Variants in NDST1 observed in about 807,000 individuals in gnomAD.
NDST1 encodes N-deacetylase and N-sulfotransferase 1.
NDST1 carries 35 observed loss-of-function variants against 92.8 expected under a neutral mutation model. That is an observed-to-expected ratio of 0.38 (90% confidence interval 0.29 to 0.50). The LOEUF (loss-of-function observed/expected upper bound fraction) is 0.50. Among genes scored for constraint, NDST1 ranks in the 20% least tolerant of loss-of-function variants. The pLI, the probability that NDST1 is intolerant of heterozygous loss-of-function variation, is 0.94. For synonymous variants in NDST1, 493 were observed against 500.3 expected, an observed-to-expected ratio of 0.99 and a Z score of 0.19; for missense variants, 822 against 1,182.7, an observed-to-expected ratio of 0.69 and a Z score of 4.47.
intron 1 of NDST1, among the ~76,000 whole-genome samples, chr5:150,499,439 C>T (rs544180073): frequency 6.6e-6 from 1 of 152,318 alleles, no homozygotes; most frequent in South Asian, 2.1e-4. Context: ...GAACCACTTT[C>T]TCTCCTACCT....
intron 1 of NDST1, among the ~76,000 whole-genome samples, chr5:150,509,995 G>A (rs1163466912): frequency 6.6e-6 from 1 of 152,004 alleles, no homozygotes; most frequent in African/African-American, 2.4e-5. Context: ...CTCTCTCCTG[G>A]GCTGCAGACC....
In NDST1 at chr5:150,549,762, A is replaced by T. The variant is rs760333260; in HGVS notation, c.2401A>T (p.Thr801Ser). Residue 801 changes from threonine to serine, a missense_variant, in exon 13 of 15, where the codon ACC becomes TCC. Physicochemically the swap from Thr to Ser is moderately conservative, Grantham distance 58. Coordinates refer to ENST00000261797, the MANE Select transcript of NDST1 (RefSeq NM_001543.5). ...MVQKFLGVTNTIDYHKTLAFD... is the reference protein window; with the variant it reads ...MVQKFLGVTNSIDYHKTLAFD... Reference sequence around the variant, plus strand: ...GCAGAAGTTCCTTGGGGTGACCAACACCATTGACTACCACAAAACCTTGGC... The same window carrying T: ...GCAGAAGTTCCTTGGGGTGACCAACTCCATTGACTACCACAAAACCTTGGC... 1.9e-6 allele frequency: 3 copies of T among 1,611,794 alleles called. No homozygotes were observed. The highest frequency in any genetic ancestry group is 2.5e-6 in the Non-Finnish European group (3 of 1,177,898).
At chr5:150,522,173 G>C (rs1357389174) in intron 2 of NDST1, among the ~76,000 whole-genome samples, 1 of 152,130 alleles carries the variant, frequency 6.6e-6, no homozygotes, top group African/African-American at 2.4e-5. Context: ...ACTTATGTGA[G>C]GTTTTGCAGC....
chr5:150,501,741 C>T (rs1303381310), intron 1 of NDST1, among the ~76,000 whole-genome samples: 3 of 152,168 alleles, frequency 2.0e-5, no homozygotes, highest in Non-Finnish European at 4.4e-5. Flanking sequence ...GTGGGGCTGA[C>T]ATTTGAGTGG....
chr5:150,515,114 C>T (rs1233747564), intron 1 of NDST1, among the ~76,000 whole-genome samples: 2 of 152,208 alleles, frequency 1.3e-5, no homozygotes, highest in African/African-American at 2.4e-5. Context: ...TGCTCAGGTG[C>T]ACCCAGGGGC....
At chr5:150,540,418 G>A (rs1169146173) in intron 8 of NDST1, among the ~76,000 whole-genome samples, 154 bp downstream of exon 8, 1 of 152,146 alleles carries the variant, frequency 6.6e-6, no homozygotes, top group African/African-American at 2.4e-5. Flanking sequence ...ACCAGCATGG[G>A]TGCGTTCACT....
intron 11 of NDST1, among the ~76,000 whole-genome samples, chr5:150,546,910 C>G (rs1219839462): frequency 6.6e-6 from 1 of 152,228 alleles, no homozygotes; most frequent in Non-Finnish European, 1.5e-5. Flanking sequence ...TCAAGTGTTT[C>G]TGTTTTCTGC....
intron 10 of NDST1, among the ~76,000 whole-genome samples, chr5:150,543,348 G>A (rs1353100066): frequency 6.6e-6 from 1 of 152,192 alleles, no homozygotes; most frequent in Admixed American, 6.5e-5. Flanking sequence ...AAGCAGAGGT[G>A]TTCTTGTGGG....
intron 1 of NDST1, among the ~76,000 whole-genome samples, chr5:150,517,814 C>T (rs1204058413): frequency 1.3e-5 from 2 of 152,258 alleles, no homozygotes; most frequent in South Asian, 2.1e-4. Context: ...TCACTGACCA[C>T]AGCACTCAAG....
At position 150,556,512 on chromosome 5, in the gene NDST1, GT is replaced by G. The variant is rs1755872780; in HGVS notation, c.*3184del. Reference sequence around the variant, plus strand: ...TAGTGGGAAAAGCAAATACAACAATGTTTTACCAAACATTTAATTATGAATG... The same window carrying G: ...TAGTGGGAAAAGCAAATACAACAATGTTTACCAAACATTTAATTATGAATG... On this transcript the variant is annotated 3_prime_UTR_variant, in exon 15 of 15. Transcript: ENST00000261797. 1 of 152,122 alleles carries G rather than the reference GT, an allele frequency of 6.6e-6. No homozygotes were observed. Among genetic ancestry groups the G allele is most frequent in the African/African-American group, 2.4e-5 (1 of 41,406 alleles). 9.4% of individuals were successfully genotyped at this position (152,122 alleles called of 1,614,324 possible).
At chr5:150,548,152 G>A (rs544480337) in intron 11 of NDST1, 66 bp from the exon 12 acceptor site, 3 of 1,602,874 alleles carry the variant, frequency 1.9e-6, no homozygotes, top group East Asian at 2.2e-5. Context: ...GCGGGCTGCT[G>A]TCCCTCTCAG....
At chr5:150,509,142 C>G (rs1367813144) in intron 1 of NDST1, among the ~76,000 whole-genome samples, 1 of 152,152 alleles carries the variant, frequency 6.6e-6, no homozygotes, top group Non-Finnish European at 1.5e-5. Flanking sequence ...ATTTTGGCTT[C>G]TGCATCCTTG....
rs145850433 is a variant in NDST1 at position 150,521,971 on chromosome 5, CA to C, written c.513+205del. 3.6e-3 allele frequency among the ~76,000 whole-genome samples: 541 copies of C among 152,282 alleles called. 3 individuals carry two copies. The highest frequency in any genetic ancestry group is 0.013 in the African/African-American group (522 of 41,558). Reference sequence around the variant, plus strand: ...CTTTGTAAGTATTAGGGGAGCGTGCCAGGGGGATCGCCTGCTGTGCGTGGGG... The same window carrying C: ...CTTTGTAAGTATTAGGGGAGCGTGCCGGGGGATCGCCTGCTGTGCGTGGGG... On this transcript the variant is annotated intron_variant, in intron 2 of 14. Transcript: ENST00000261797. The surrounding 1 kb of genome is among the most constrained non-coding windows in gnomAD (Gnocchi z 5.9).
rs772602993 is a variant in NDST1 at position 150,535,850 on chromosome 5, C to T, written c.1402C>T (p.Arg468Cys). ...TEEYPHLKPA[R>C]YRRGFIHNGI... Reference sequence around the variant, plus strand: ...GGAGTACCCCCACCTGAAGCCAGCCCGCTACCGCCGTGGCTTCATCCACAA... The same window carrying T: ...GGAGTACCCCCACCTGAAGCCAGCCTGCTACCGCCGTGGCTTCATCCACAA... Residue 468 changes from arginine (R) to cysteine (C), a missense_variant, in exon 6 of 15, where the codon CGC (arginine) becomes TGC (cysteine). Arg to Cys is a radical substitution (Grantham distance 180). Coordinates refer to ENST00000261797, the MANE Select transcript of NDST1 (RefSeq NM_001543.5). The T allele has an allele frequency of 3.6e-5, 58 of 1,613,838 alleles. No homozygotes were observed. The highest frequency in any genetic ancestry group is 6.7e-5 in the African/African-American group (5 of 74,936).
Position 150,527,757 on chromosome 5 carries a change from C to G in NDST1, c.514-47C>G, listed in dbSNP as rs1349966352. ...GTGAGAGACTGTGTCCTTTGGGGTT[C>G]TGGATGTGACAGTTCTGTTCCCCTT... is the stretch of plus-strand genomic sequence containing the variant. On this transcript the variant is annotated intron_variant, in intron 2 of 14. Coordinates refer to ENST00000261797, the MANE Select transcript of NDST1 (RefSeq NM_001543.5). 9 of 1,608,294 alleles carry G rather than the reference C, an allele frequency of 5.6e-6. No homozygotes were observed. In the South Asian group the frequency reaches 7.7e-5, roughly 14 times the overall value.
At chr5:150,515,189 G>C (rs2058007734) in intron 1 of NDST1, among the ~76,000 whole-genome samples, 1 of 152,240 alleles carries the variant, frequency 6.6e-6, no homozygotes, top group Non-Finnish European at 1.5e-5. Flanking sequence ...TGCTGATGGT[G>C]TTAACTGCAG....
intron 10 of NDST1, among the ~76,000 whole-genome samples, chr5:150,543,225 C>T (rs1055983109): frequency 5.3e-5 from 8 of 152,262 alleles, no homozygotes; most frequent in Non-Finnish European, 7.3e-5. Context: ...GTCCACCCCT[C>T]CCTTGCTTGC....
Position 150,521,179 on chromosome 5 carries a change from G to T in NDST1, c.-76G>T. 1 of 1,355,232 alleles carries T rather than the reference G, an allele frequency of 7.4e-7. No individual in the cohort carries two copies. 84.0% of individuals were successfully genotyped at this position (1,355,232 alleles called of 1,614,324 possible). The stretch of plus-strand genomic sequence containing the variant: ...ATTTGTTGGTCAGTGGACGATTCTC[G>T]TGTCTCCTCCTGTGTGGGGCCTTGG... On this transcript the variant is annotated 5_prime_UTR_variant, in exon 2 of 15. Transcript: ENST00000261797. This position sits in a 1 kb window ranked among gnomAD's most constrained non-coding sequence, Gnocchi z 5.9.
At chr5:150,535,168 A>G (rs1033440537) in intron 5 of NDST1, 147 bp downstream of exon 5, 5 of 1,322,508 alleles carry the variant, frequency 3.8e-6, no homozygotes, top group Admixed American at 2.2e-5. Flanking sequence ...AGCTGCCTTT[A>G]TAGCCACTGT....
Sources: gnomAD v4.1 joint callset for allele counts (sites outside exome capture counted in the v4.1 genomes callset) on GRCh38, gnomAD v4.1.1 for gene constraint, Gnocchi (gnomAD v3.1) non-coding constraint, MANE v1.5 for transcripts, NCBI Gene and HGNC (gene_info 2026-07-23, HGNC 2026-07-21) for gene names.